Variants in RBFOX1 observed in about 807,000 individuals in gnomAD.
RBFOX1 encodes RNA binding protein fox-1 homolog 1.
A neutral mutation model predicts 57.7 loss-of-function variants in RBFOX1; 8 were observed. The ratio of observed to expected loss-of-function variants is 0.14; its 90% confidence interval spans 0.08 to 0.25. The LOEUF is 0.25. RBFOX1 is among the 10% of genes least tolerant of loss of function. The pLI, the probability that RBFOX1 is intolerant of heterozygous loss-of-function variation, is 1.00. For missense variants in RBFOX1, 611 were observed against 548.5 expected (o/e 1.11, Z -1.14); for synonymous variants, 326 against 222.4 (o/e 1.47, Z -4.15).
intron 3 of RBFOX1, among the ~76,000 whole-genome samples, chr16:5,719,065 C>T (rs2051829840): frequency 6.6e-6 from 1 of 151,920 alleles, no homozygotes; most frequent in African/African-American, 2.4e-5. Flanking sequence ...AGCAAGAAGT[C>T]AGTAAAAGTT....
intron 4 of RBFOX1, among the ~76,000 whole-genome samples, chr16:7,423,272 T>C (rs181512648): frequency 6.6e-6 from 1 of 152,198 alleles, no homozygotes; most frequent in African/African-American, 2.4e-5. Context: ...TGTGGAAAAG[T>C]AGGATTTCTC....
chr16:6,572,439 TG>T (rs1224719606), intron 2 of RBFOX1, among the ~76,000 whole-genome samples: 1 of 152,218 alleles, frequency 6.6e-6, no homozygotes, highest in African/African-American at 2.4e-5. Flanking sequence ...TAACCTTTGT[TG>T]GGCTCTTATC....
intron 4 of RBFOX1, among the ~76,000 whole-genome samples, chr16:5,898,850 A>G (rs1350389556): frequency 1.3e-5 from 2 of 151,488 alleles, no homozygotes; most frequent in Admixed American, 6.6e-5. Flanking sequence ...GCTTGAGGCC[A>G]GGCATTTGAG....
intron 4 of RBFOX1, among the ~76,000 whole-genome samples, chr16:7,062,520 C>T (rs1004640180): frequency 6.6e-6 from 1 of 152,026 alleles, no homozygotes; most frequent in Non-Finnish European, 1.5e-5. Flanking sequence ...GACATTTCTG[C>T]CTATGGTAGC....
intron 1 of RBFOX1, among the ~76,000 whole-genome samples, chr16:5,416,185 C>T (rs2067156053): frequency 1.3e-5 from 2 of 152,198 alleles, no homozygotes; most frequent in South Asian, 4.1e-4. Flanking sequence ...CACAGCGACT[C>T]CTGGACACTA....
chr16:7,051,959 C>A, intron 3 of RBFOX1, 98 bp from the exon 4 acceptor site: 3 of 1,521,184 alleles, frequency 2.0e-6, no homozygotes, highest in Non-Finnish European at 1.8e-6. Context: ...TATGGGTTTT[C>A]TTTGAGCTGA....
chr16:5,987,685 G>A (rs1459513608), intron 4 of RBFOX1, among the ~76,000 whole-genome samples: 1 of 152,134 alleles, frequency 6.6e-6, no homozygotes, highest in Non-Finnish European at 1.5e-5. Flanking sequence ...CCGTACTGCA[G>A]CCCAGGCAAC....
intron 4 of RBFOX1, among the ~76,000 whole-genome samples, chr16:7,110,669 C>G (rs2064563813): frequency 6.6e-6 from 1 of 152,080 alleles, no homozygotes; most frequent in Non-Finnish European, 1.5e-5. Context: ...TATTCATTCA[C>G]CATAGTTAAA....
At chr16:5,925,586 T>A (rs1343008695) in intron 4 of RBFOX1, among the ~76,000 whole-genome samples, 1 of 152,224 alleles carries the variant, frequency 6.6e-6, no homozygotes, top group Non-Finnish European at 1.5e-5. Context: ...CATAACATTG[T>A]GAATGTACTA....
At chr16:5,823,556 A>T (rs1028981119) in intron 3 of RBFOX1, among the ~76,000 whole-genome samples, 15 of 152,188 alleles carry the variant, frequency 9.9e-5, no homozygotes, top group Non-Finnish European at 2.1e-4. Flanking sequence ...ACCACACAGA[A>T]GGAGGTGAGT....
chr16:6,994,749 G>A (rs1188793858), intron 3 of RBFOX1, among the ~76,000 whole-genome samples: 1 of 152,158 alleles, frequency 6.6e-6, no homozygotes, highest in Non-Finnish European at 1.5e-5. Flanking sequence ...TCTGAAATGT[G>A]TTATTATGTT....
At chr16:6,953,388 T>C (rs930950814) in intron 3 of RBFOX1, among the ~76,000 whole-genome samples, 11 of 148,526 alleles carry the variant, frequency 7.4e-5, no homozygotes, top group African/African-American at 2.2e-4. Flanking sequence ...TTTTTGTTGT[T>C]GTTATTGTTT....
intron 1 of RBFOX1, among the ~76,000 whole-genome samples, chr16:5,316,006 C>A (rs989719173): frequency 6.6e-6 from 1 of 152,156 alleles, no homozygotes; most frequent in Non-Finnish European, 1.5e-5. Context: ...TAGGTCTCCT[C>A]CCACTACCAG....
intron 3 of RBFOX1, among the ~76,000 whole-genome samples, chr16:6,726,558 G>C (rs540309801): frequency 1.3e-5 from 2 of 152,024 alleles, no homozygotes; most frequent in Non-Finnish European, 2.9e-5. Context: ...TGAACAATGA[G>C]AGAAGGCAAG....
At chr16:7,064,970 C>T (rs2055589999) in intron 4 of RBFOX1, among the ~76,000 whole-genome samples, 1 of 152,180 alleles carries the variant, frequency 6.6e-6, no homozygotes, top group Admixed American at 6.5e-5. Flanking sequence ...ATGTCCTTGG[C>T]TCCCTGTGTG....
At position 7,270,543 on chromosome 16, in the gene RBFOX1, A is replaced by T. The variant is rs190348803; in HGVS notation, c.27+218445A>T. Among the ~76,000 whole-genome samples the T allele has an allele frequency of 3.9e-5, 6 of 152,344 alleles. No individual in the cohort carries two copies. The East Asian group carries it at 1.2e-3, about 29-fold the overall frequency. ...GCAGTTTCAGACCTTCTTGCAATGC[A>T]GTGGTGGCTCACTGCTGGCCCACAG... On this transcript the variant is annotated intron_variant, in intron 4 of 15. Coordinates refer to ENST00000550418, the MANE Select transcript of RBFOX1 (RefSeq NM_018723.4).
intron 3 of RBFOX1, among the ~76,000 whole-genome samples, chr16:5,822,291 G>A (rs1430528840): frequency 1.3e-5 from 2 of 152,166 alleles, no homozygotes; most frequent in Non-Finnish European, 2.9e-5. Context: ...GGGGAATAGG[G>A]AGAGGGGCAA....
chr16:6,143,565 C>G (rs1189640609), intron 1 of RBFOX1, among the ~76,000 whole-genome samples: 1 of 152,130 alleles, frequency 6.6e-6, no homozygotes, highest in Non-Finnish European at 1.5e-5. Context: ...CTAAAGGACA[C>G]TTACCATAAG....
chr16:5,733,998 A>C (rs2052480792), intron 3 of RBFOX1, among the ~76,000 whole-genome samples: 1 of 151,910 alleles, frequency 6.6e-6, no homozygotes, highest in African/African-American at 2.4e-5. Flanking sequence ...CGTGTTACCT[A>C]TTAGAGCTGA....
Sources: allele counts gnomAD v4.1 joint callset (sites outside exome capture counted in the v4.1 genomes callset), GRCh38; gene constraint gnomAD v4.1.1; transcripts MANE v1.5; gene names NCBI Gene and HGNC (gene_info 2026-07-23, HGNC 2026-07-21).